The following SLC35F1 variants were observed in gnomAD, a reference collection of about 807,000 sequenced individuals.
The protein encoded by SLC35F1 is chromosome 6 open reading frame 169.
Under a neutral mutation model 48.7 loss-of-function variants are expected in SLC35F1, and 14 were observed. The observed-to-expected ratio is 0.29, with a 90% CI of 0.19 to 0.45. The LOEUF (loss-of-function observed/expected upper bound fraction) is 0.45. Among genes scored for constraint, SLC35F1 ranks in the 20% least tolerant of loss-of-function variants. The pLI is 1.00. For missense variants in SLC35F1, 404 were observed against 500.0 expected, an observed-to-expected ratio of 0.81 and a Z score of 1.83; for synonymous variants, 190 against 202.2, an observed-to-expected ratio of 0.94 and a Z score of 0.51.
chr6:117,940,600 G>C (rs1039002932), intron 1 of SLC35F1, among the ~76,000 whole-genome samples: 1 of 151,980 alleles, frequency 6.6e-6, no homozygotes, highest in Non-Finnish European at 1.5e-5. Flanking sequence ...CCTGTGTTCC[G>C]CAACAGATAA....
At chr6:118,218,912 G>T (rs973706819) in intron 2 of SLC35F1, among the ~76,000 whole-genome samples, 6 of 152,178 alleles carry the variant, frequency 3.9e-5, no homozygotes, top group Non-Finnish European at 5.9e-5. Flanking sequence ...ATTTCTATCT[G>T]TGGGTACATA....
At chr6:118,252,125 G>C (rs1306682325) in intron 3 of SLC35F1, among the ~76,000 whole-genome samples, 1 of 152,162 alleles carries the variant, frequency 6.6e-6, no homozygotes, top group Non-Finnish European at 1.5e-5. Flanking sequence ...TTTGCTCTTA[G>C]AAAAATTATT....
At chr6:118,311,872 A>G (rs927593873) in intron 7 of SLC35F1, among the ~76,000 whole-genome samples, 1 of 152,218 alleles carries the variant, frequency 6.6e-6, no homozygotes, top group African/African-American at 2.4e-5. Flanking sequence ...CTATGATAAA[A>G]TAAGTGCTAT....
intron 1 of SLC35F1, among the ~76,000 whole-genome samples, chr6:118,007,309 C>T (rs1447945617): frequency 1.3e-5 from 2 of 152,072 alleles, no homozygotes; most frequent in African/African-American, 4.8e-5. Flanking sequence ...TCTTAAAGAC[C>T]CCCACCTTTC....
intron 2 of SLC35F1, among the ~76,000 whole-genome samples, chr6:118,214,964 G>A (rs577220409): frequency 7.9e-5 from 12 of 152,064 alleles, no homozygotes; most frequent in Non-Finnish European, 1.3e-4. Context: ...ACTGATAATT[G>A]ACAGGCACTG....
At chr6:117,959,021 G>A (rs1776461756) in intron 1 of SLC35F1, among the ~76,000 whole-genome samples, 2 of 152,190 alleles carry the variant, frequency 1.3e-5, no homozygotes, top group Non-Finnish European at 1.5e-5. Context: ...GGACTTCAGA[G>A]GCAGGCTGGT....
At chr6:118,167,354 C>T (rs1035989659) in intron 2 of SLC35F1, among the ~76,000 whole-genome samples, 13 of 152,112 alleles carry the variant, frequency 8.5e-5, no homozygotes, top group Admixed American at 2.0e-4. Flanking sequence ...TAGGTGATTT[C>T]GTCATTGTGC....
At chr6:118,127,862 A>T (rs924665249) in intron 1 of SLC35F1, among the ~76,000 whole-genome samples, 10 of 151,344 alleles carry the variant, frequency 6.6e-5, no homozygotes, top group Admixed American at 6.6e-4. Flanking sequence ...CTACCATCAG[A>T]GTGAACAGGC....
At chr6:118,050,103 A>G (rs1026730787) in intron 1 of SLC35F1, among the ~76,000 whole-genome samples, 1 of 152,098 alleles carries the variant, frequency 6.6e-6, no homozygotes, top group Non-Finnish European at 1.5e-5. Context: ...TTCTCAGCAA[A>G]CTATCACAAG....
At chr6:118,266,376 T>C (rs1775773879) in intron 3 of SLC35F1, among the ~76,000 whole-genome samples, 1 of 152,132 alleles carries the variant, frequency 6.6e-6, no homozygotes, top group Admixed American at 6.5e-5. Flanking sequence ...AAAAATTTTT[T>C]TTCTAATAGT....
intron 1 of SLC35F1, among the ~76,000 whole-genome samples, chr6:118,050,005 C>A (rs1266063448): frequency 6.6e-6 from 1 of 152,064 alleles, no homozygotes; most frequent in Admixed American, 6.5e-5. Flanking sequence ...GAAAATGTGG[C>A]ACATATACAC....
intron 1 of SLC35F1, among the ~76,000 whole-genome samples, chr6:117,918,808 A>G (rs1775860343): frequency 6.6e-6 from 1 of 152,134 alleles, no homozygotes; most frequent in African/African-American, 2.4e-5. Flanking sequence ...GGCAGTGCAT[A>G]TTTGAGGGGG....
rs9401059 is a variant in SLC35F1 at position 118,235,363 on chromosome 6, A to G, written c.350-146A>G. The G allele has an allele frequency of 5.2e-5, 42 of 800,550 alleles. No homozygotes were observed. In the East Asian group the frequency reaches 8.0e-4, roughly 15 times the overall value. 49.6% of individuals were successfully genotyped at this position (800,550 alleles called of 1,614,324 possible). On this transcript the variant is annotated intron_variant, in intron 2 of 7. Transcript: ENST00000360388. ...ATTTGCTAAATAAAAACATGTGGGT[A>G]TCTGATACGTTGATTTATTTGTTTA...
At chr6:118,243,717 G>T (rs1470371993) in intron 3 of SLC35F1, among the ~76,000 whole-genome samples, 2 of 152,144 alleles carry the variant, frequency 1.3e-5, no homozygotes, top group African/African-American at 4.8e-5. Context: ...CTTAAATGTT[G>T]ACCTCTGTGG....
At chr6:118,230,409 T>C (rs1775277533) in intron 2 of SLC35F1, among the ~76,000 whole-genome samples, 1 of 151,818 alleles carries the variant, frequency 6.6e-6, no homozygotes, top group African/African-American at 2.4e-5. Flanking sequence ...TAGAACCAAT[T>C]AGAAGTCTAT....
chr6:118,100,318 G>A (rs1403240371), intron 1 of SLC35F1, among the ~76,000 whole-genome samples: 2 of 151,974 alleles, frequency 1.3e-5, no homozygotes, highest in African/African-American at 2.4e-5. Flanking sequence ...ACTACCCATA[G>A]TTAGCCAAAC....
intron 1 of SLC35F1, among the ~76,000 whole-genome samples, chr6:117,935,310 A>T (rs989888050): frequency 6.6e-6 from 1 of 152,192 alleles, no homozygotes; most frequent in Non-Finnish European, 1.5e-5. Flanking sequence ...GTTATGCTCT[A>T]TAAAGTTGCT....
At chr6:118,211,500 T>C (rs764954408) in intron 2 of SLC35F1, among the ~76,000 whole-genome samples, 1 of 152,162 alleles carries the variant, frequency 6.6e-6, no homozygotes, top group Non-Finnish European at 1.5e-5. Context: ...CCTCAATAAA[T>C]ATATGCTAAA....
chr6:118,118,192 T>C (rs1175381462), intron 1 of SLC35F1, among the ~76,000 whole-genome samples: 5 of 152,230 alleles, frequency 3.3e-5, no homozygotes, highest in Non-Finnish European at 7.3e-5. Context: ...ACCTGCAACA[T>C]AGGAGAACTC....
Sources: gnomAD v4.1 joint callset for allele counts (sites outside exome capture counted in the v4.1 genomes callset) on GRCh38, gnomAD v4.1.1 for gene constraint, MANE v1.5 for transcripts, NCBI Gene and HGNC (gene_info 2026-07-23, HGNC 2026-07-21) for gene names.